AIG1: variants seen among roughly 807,000 people sequenced by gnomAD.
AIG1 encodes the protein androgen induced 1, also known as androgen-induced gene 1 protein.
AIG1 carries 23 observed loss-of-function variants against 31.4 expected under a neutral mutation model. The observed-to-expected ratio is 0.73, with a 90% CI of 0.53 to 1.04. AIG1 has a LOEUF of 1.04. Among genes scored for constraint, AIG1 ranks in the 50% least tolerant of loss-of-function variants. The pLI is 0.00. For synonymous variants in AIG1, 100 were observed against 110.5 expected (o/e 0.90, Z 0.60); for missense variants, 274 against 295.0 (o/e 0.93, Z 0.52).
chr6:143,161,570 CAT>C (rs149355304), intron 2 of AIG1, among the ~76,000 whole-genome samples: 1,632 of 145,906 alleles, frequency 0.011, 15 homozygotes, highest in Admixed American at 0.016. Context: ...TGTGTGTGTA[CAT>C]ATATATATAT....
chr6:143,168,250 CT>C (rs890210732), intron 3 of AIG1, among the ~76,000 whole-genome samples: 22 of 150,356 alleles, frequency 1.5e-4, no homozygotes, highest in Admixed American at 6.6e-5. Context: ...TTCCAAATTT[CT>C]TTTTTTTTAA....
intron 5 of AIG1, 62 bp from the exon 6 acceptor site, chr6:143,339,577 T>C (rs1232028382): frequency 1.3e-6 from 2 of 1,568,542 alleles, no homozygotes; most frequent in Non-Finnish European, 1.7e-6. Flanking sequence ...GCAAGCCAGA[T>C]TAAACAAACT....
intron 3 of AIG1, among the ~76,000 whole-genome samples, chr6:143,213,294 A>G (rs1015312151): frequency 9.2e-5 from 14 of 152,156 alleles, no homozygotes; most frequent in African/African-American, 2.7e-4. Flanking sequence ...ATATATAAAG[A>G]TAAATAAATA....
At chr6:143,274,006 C>T (rs1473004341) in intron 3 of AIG1, among the ~76,000 whole-genome samples, 6 of 152,214 alleles carry the variant, frequency 3.9e-5, no homozygotes, top group South Asian at 2.1e-4. Context: ...ACTCTCCCTT[C>T]TTCCCCTCTA....
At chr6:143,126,317 G>A (rs1782683647) in intron 1 of AIG1, 1 of 152,142 alleles carries the variant, frequency 6.6e-6, no homozygotes, top group African/African-American at 2.4e-5. Flanking sequence ...AAGTGATGAT[G>A]GACTCCCCTG....
At chr6:143,307,216 C>G (rs1274834851) in intron 4 of AIG1, among the ~76,000 whole-genome samples, 1 of 152,220 alleles carries the variant, frequency 6.6e-6, no homozygotes, top group African/African-American at 2.4e-5. Flanking sequence ...AAGTCATTCT[C>G]CATCCAGCTT....
intron 3 of AIG1, among the ~76,000 whole-genome samples, chr6:143,178,905 A>C (rs1421494923): frequency 6.6e-6 from 1 of 152,212 alleles, no homozygotes; most frequent in Admixed American, 6.5e-5. Flanking sequence ...GAGACATAAG[A>C]AATTAAAGGA....
Position 143,288,462 on chromosome 6 carries a change from C to T in AIG1, c.515+4237C>T, listed in dbSNP as rs1000000816. Among the ~76,000 whole-genome samples the T allele has an allele frequency of 8.5e-5, 13 of 152,252 alleles. No individual in the cohort carries two copies. Among genetic ancestry groups the T allele is most frequent in the African/African-American group, 3.1e-4 (13 of 41,534 alleles). ...GGGACAAAATGGATCCTGGGTGTTT[C>T]CACTTATGGATAAATATTCCTTGTC... On this transcript the variant is annotated intron_variant, in intron 4 of 5. Transcript: ENST00000357847. This position sits in a 1 kb window ranked among gnomAD's most constrained non-coding sequence, Gnocchi z 4.4.
intron 1 of AIG1, among the ~76,000 whole-genome samples, chr6:143,105,147 G>A (rs1254382330): frequency 2.6e-5 from 4 of 152,182 alleles, no homozygotes; most frequent in Non-Finnish European, 5.9e-5. Context: ...GCATAGTAGT[G>A]AGGGTGTGGT....
At chr6:143,148,697 C>G (rs1029624769) in intron 2 of AIG1, among the ~76,000 whole-genome samples, 8 of 151,972 alleles carry the variant, frequency 5.3e-5, no homozygotes, top group African/African-American at 1.9e-4. Flanking sequence ...GTAGCATGCT[C>G]CTGTAGTCCC....
intron 4 of AIG1, among the ~76,000 whole-genome samples, chr6:143,312,117 T>G (rs1775335370): frequency 6.6e-6 from 1 of 151,996 alleles, no homozygotes; most frequent in African/African-American, 2.4e-5. Flanking sequence ...TAAATATTAT[T>G]AAAATGTTCA....
intron 3 of AIG1, among the ~76,000 whole-genome samples, chr6:143,193,588 G>A (rs970544923): frequency 4.6e-5 from 7 of 152,208 alleles, no homozygotes; most frequent in Non-Finnish European, 7.3e-5. Context: ...AATTCTGAAG[G>A]ACAGTTCTGC....
chr6:143,149,321 T>C (rs112595079), intron 2 of AIG1, among the ~76,000 whole-genome samples: 25 of 151,762 alleles, frequency 1.6e-4, no homozygotes, highest in African/African-American at 4.8e-4. Context: ...GGTCAGGAGA[T>C]CGAGACCATC....
intron 2 of AIG1, among the ~76,000 whole-genome samples, chr6:143,160,535 T>C (rs185397740): frequency 1.3e-3 from 193 of 152,356 alleles, no homozygotes; most frequent in Non-Finnish European, 2.1e-3. Flanking sequence ...TACAGTATTC[T>C]GTTCCTGGCA....
intron 2 of AIG1, among the ~76,000 whole-genome samples, chr6:143,156,539 A>G (rs1785779172): frequency 6.6e-6 from 1 of 152,166 alleles, no homozygotes; most frequent in Non-Finnish European, 1.5e-5. Flanking sequence ...ATAGTGATTT[A>G]TTTATTACAA....
intron 4 of AIG1, among the ~76,000 whole-genome samples, chr6:143,310,812 G>A (rs923101650): frequency 6.6e-6 from 1 of 151,624 alleles, no homozygotes; most frequent in Non-Finnish European, 1.5e-5. Flanking sequence ...GGAATATTAT[G>A]AACAACTCTA....
chr6:143,274,702 G>A (rs1469519722), intron 3 of AIG1, among the ~76,000 whole-genome samples: 2 of 150,344 alleles, frequency 1.3e-5, no homozygotes, highest in Non-Finnish European at 3.0e-5. Context: ...GAACAAACGA[G>A]CATGGGAAGC....
upstream of AIG1, chr6:143,060,836 C>CGCGCCG (rs1776167157): frequency 1.3e-6 from 1 of 797,398 alleles, no homozygotes; most frequent in African/African-American, 2.0e-5. Flanking sequence ...CGCCCGCGCC[C>CGCGCCG]GGGTTCCCAC....
chr6:143,204,022 A>T (rs1790910206), intron 3 of AIG1, among the ~76,000 whole-genome samples: 1 of 152,182 alleles, frequency 6.6e-6, no homozygotes, highest in Non-Finnish European at 1.5e-5. Context: ...CTGAGGGAAA[A>T]TTTTAACACT....
Sources: gnomAD v4.1 joint callset for allele counts (sites outside exome capture counted in the v4.1 genomes callset) on GRCh38, gnomAD v4.1.1 for gene constraint, Gnocchi (gnomAD v3.1) non-coding constraint, MANE v1.5 for transcripts, NCBI Gene and HGNC (gene_info 2026-07-23, HGNC 2026-07-21) for gene names.